MIS18A: variants seen among roughly 807,000 people sequenced by gnomAD.
The protein encoded by MIS18A is MIS18 kinetochore protein A.
A neutral mutation model predicts 25.0 loss-of-function variants in MIS18A; 14 were observed. The observed-to-expected ratio is 0.56, with a 90% CI of 0.37 to 0.88. The LOEUF (loss-of-function observed/expected upper bound fraction) is 0.88, where lower values mean the gene tolerates loss of function less well. Among genes scored for constraint, MIS18A ranks in the 40% least tolerant of loss-of-function variants. MIS18A has a pLI of 0.00. For missense variants in MIS18A, 292 were observed against 290.8 expected, an observed-to-expected ratio of 1.00 and a Z score of -0.03; for synonymous variants, 134 against 118.6, an observed-to-expected ratio of 1.13 and a Z score of -0.84.
the MIS18A span, among the ~76,000 whole-genome samples, chr21:32,209,448 A>G: frequency 6.6e-6 from 1 of 152,160 alleles, no homozygotes; most frequent in Non-Finnish European, 1.5e-5. Flanking sequence ...CACAAGCCCA[A>G]ATTATTATGT....
the MIS18A span, among the ~76,000 whole-genome samples, chr21:32,184,894 C>T: frequency 2.2e-4 from 33 of 152,100 alleles, 1 homozygote; most frequent in Non-Finnish European, 3.8e-4. Flanking sequence ...TCCCGGCCAC[C>T]GCAGCCAACT....
the MIS18A span, among the ~76,000 whole-genome samples, chr21:32,256,067 T>G: frequency 6.6e-6 from 1 of 152,210 alleles, no homozygotes; most frequent in Non-Finnish European, 1.5e-5. Context: ...ATGTCTACTT[T>G]TAGCGAATTT....
At chr21:32,193,498 A>C in the MIS18A span, among the ~76,000 whole-genome samples, 1 of 108,252 alleles carries the variant, frequency 9.2e-6, no homozygotes, top group Admixed American at 1.0e-4. Context: ...ATAGATAGAT[A>C]GATAGATAGA....
chr21:32,165,080 T>A, the MIS18A span, among the ~76,000 whole-genome samples: 2 of 152,168 alleles, frequency 1.3e-5, no homozygotes, highest in African/African-American at 4.8e-5. Context: ...ATGCCTGTAA[T>A]CCCAGCACTT....
the MIS18A span, among the ~76,000 whole-genome samples, chr21:32,205,485 T>G: frequency 6.6e-6 from 1 of 152,104 alleles, no homozygotes; most frequent in Non-Finnish European, 1.5e-5. Context: ...AACCCCATTT[T>G]CATTTTTCCC....
At chr21:32,270,262 C>A (rs1375002732) in intron 3 of MIS18A, 145 bp downstream of exon 3, 158 of 782,628 alleles carry the variant, frequency 2.0e-4, no homozygotes, top group African/African-American at 1.2e-3. Context: ...GAGGTCAAAG[C>A]AAAAAAAAAA....
chr21:32,186,225 C>T, the MIS18A span, among the ~76,000 whole-genome samples: 65 of 152,276 alleles, frequency 4.3e-4, no homozygotes, highest in African/African-American at 1.5e-3. Context: ...ATGATCATAA[C>T]GACTTGAGAG....
At chr21:32,267,724 G>A (rs914536154), downstream of MIS18A, among the ~76,000 whole-genome samples, 22 of 152,264 alleles carry the variant, frequency 1.4e-4, no homozygotes, top group African/African-American at 5.1e-4. Flanking sequence ...TTTCACACAA[G>A]GTGCCACCAA....
the MIS18A span, among the ~76,000 whole-genome samples, chr21:32,227,395 A>G: frequency 6.7e-6 from 1 of 148,648 alleles, no homozygotes; most frequent in African/African-American, 2.5e-5. Flanking sequence ...GACCTTACAG[A>G]AAAAAAAAAT....
the MIS18A span, among the ~76,000 whole-genome samples, chr21:32,160,239 G>T: frequency 1.3e-5 from 2 of 149,154 alleles, no homozygotes; most frequent in African/African-American, 4.9e-5. Flanking sequence ...AGGGAATTTG[G>T]GTAAGATAAA....
the MIS18A span, among the ~76,000 whole-genome samples, chr21:32,191,435 T>A: frequency 1.3e-5 from 2 of 151,696 alleles, no homozygotes; most frequent in South Asian, 4.2e-4. Flanking sequence ...ACAAAAAAGT[T>A]TAAAAACTTA....
the MIS18A span, among the ~76,000 whole-genome samples, chr21:32,251,888 C>T: frequency 6.6e-6 from 1 of 152,250 alleles, no homozygotes; most frequent in East Asian, 1.9e-4. Context: ...TCAGATGCTA[C>T]AGTCCTCTCT....
At chr21:32,244,169 T>C in the MIS18A span, among the ~76,000 whole-genome samples, 1 of 152,066 alleles carries the variant, frequency 6.6e-6, no homozygotes, top group African/African-American at 2.4e-5. Context: ...AAAGACTACA[T>C]ACAGTATGAT....
chr21:32,252,245 G>T, the MIS18A span, among the ~76,000 whole-genome samples: 2 of 56,038 alleles, frequency 3.6e-5, no homozygotes, highest in African/African-American at 1.2e-4. Context: ...GAAGAAGGAG[G>T]AGGAGGAGGA....
intron 1 of MIS18A, 29 bp downstream of exon 1, chr21:32,278,652 C>G (rs760675064): frequency 6.8e-7 from 1 of 1,474,226 alleles, no homozygotes; most frequent in Non-Finnish European, 9.0e-7. Flanking sequence ...CGACCCCACG[C>G]CCCCCCTGCC....
At chr21:32,217,175 T>C in the MIS18A span, among the ~76,000 whole-genome samples, 5 of 152,022 alleles carry the variant, frequency 3.3e-5, 1 homozygote, top group Admixed American at 1.3e-4. Context: ...TTAGACATAC[T>C]AGACAAGGAC....
At chr21:32,253,472 C>A in the MIS18A span, among the ~76,000 whole-genome samples, 37 of 150,970 alleles carry the variant, frequency 2.5e-4, no homozygotes, top group Non-Finnish European at 4.9e-4. Flanking sequence ...GTTCTGACTC[C>A]ACTTTCAACA....
chr21:32,277,950 G>GA (rs972446817), intron 1 of MIS18A: 2 of 152,078 alleles, frequency 1.3e-5, no homozygotes, highest in African/African-American at 4.8e-5. Context: ...TTCAAAGACA[G>GA]AAAAAACTTC....
At chr21:32,158,471 ATT>A in the MIS18A span, among the ~76,000 whole-genome samples, 3,235 of 144,656 alleles carry the variant, frequency 0.022, 112 homozygotes, top group African/African-American at 0.074. Flanking sequence ...GATTATTATG[ATT>A]TTTTTTTTTT....
Sources: gnomAD v4.1 joint callset for allele counts (sites outside exome capture counted in the v4.1 genomes callset) on GRCh38, gnomAD v4.1.1 for gene constraint, MANE v1.5 for transcripts, NCBI Gene and HGNC (gene_info 2026-07-23, HGNC 2026-07-21) for gene names.